Variants in GAREM1 observed in about 807,000 individuals in gnomAD.
GAREM1 encodes the protein GRB2-associated and regulator of MAPK protein 1.
GAREM1 carries 26 observed loss-of-function variants against 71.3 expected under a neutral mutation model. The observed-to-expected ratio is 0.36, with a 90% CI of 0.27 to 0.51. The LOEUF is 0.51. Among genes scored for constraint, GAREM1 ranks in the 20% least tolerant of loss-of-function variants. The pLI, the probability that GAREM1 is intolerant of heterozygous loss-of-function variation, is 0.95. For missense variants in GAREM1, 1,026 were observed against 1,103.1 expected, an observed-to-expected ratio of 0.93 and a Z score of 0.99; for synonymous variants, 440 against 433.2, an observed-to-expected ratio of 1.02 and a Z score of -0.20.
chr18:32,346,943 A>C (rs1255925255), intron 2 of GAREM1, among the ~76,000 whole-genome samples: 4 of 152,220 alleles, frequency 2.6e-5, no homozygotes, highest in African/African-American at 7.2e-5. Context: ...CTGTGTCGGC[A>C]CCAACTCAGT....
In GAREM1 at chr18:32,304,573, G is replaced by T. The variant is rs530557619; in HGVS notation, c.393+5620C>A. On this transcript the variant is annotated intron_variant, in intron 3 of 5. Coordinates refer to ENST00000269209, the MANE Select transcript of GAREM1 (RefSeq NM_001242409.2). The stretch of plus-strand genomic sequence containing the variant: ...AGATAATACATAAACACATAGACAT[G>T]GCTTTGTTCCAATAAAACTTTATTT... Among the ~76,000 whole-genome samples, 56 of 152,286 alleles carry T rather than the reference G, an allele frequency of 3.7e-4. 1 individual carries two copies. In the Middle Eastern group the frequency reaches 0.017, roughly 46 times the overall value.
chr18:32,337,466 C>T lies in GAREM1; in HGVS notation c.263-27143G>A, dbSNP rs116074519. 2.8e-3 allele frequency among the ~76,000 whole-genome samples: 425 copies of T among 152,314 alleles called. 1 individual carries two copies. Among genetic ancestry groups the T allele is most frequent in the African/African-American group, 9.9e-3 (410 of 41,566 alleles). ...GCCCACAAGCTTGAAACTGATAACT[C>T]GGTAATTCTGTGCGCTATTACCCGG... On this transcript the variant is annotated intron_variant, in intron 2 of 5. Coordinates refer to ENST00000269209, the MANE Select transcript of GAREM1 (RefSeq NM_001242409.2).
intron 2 of GAREM1, among the ~76,000 whole-genome samples, chr18:32,334,538 T>TAAG (rs1293851820): frequency 6.6e-6 from 1 of 152,196 alleles, no homozygotes; most frequent in African/African-American, 2.4e-5. Context: ...GCTCCGGCTT[T>TAAG]ATGCAGCAAA....
chr18:32,434,293 T>C (rs955763576), intron 1 of GAREM1, among the ~76,000 whole-genome samples: 10 of 152,012 alleles, frequency 6.6e-5, no homozygotes, highest in Non-Finnish European at 1.5e-5. Context: ...ATAAAATATA[T>C]AGGTTTGCGT....
chr18:32,416,371 T>G lies in GAREM1; in HGVS notation c.122-23336A>C, dbSNP rs189682856. 8.5e-5 allele frequency among the ~76,000 whole-genome samples: 13 copies of G among 152,228 alleles called. No individual in the cohort carries two copies. In the East Asian group the frequency reaches 1.4e-3, roughly 16 times the overall value. ...CTTCACAGAAACAGAAAAACAATCC[T>G]AAAATTTATATGGAACCACAAAAGA... On this transcript the variant is annotated intron_variant, in intron 1 of 5. Transcript: ENST00000269209.
At chr18:32,317,591 T>G (rs1421706721) in intron 2 of GAREM1, among the ~76,000 whole-genome samples, 1 of 152,004 alleles carries the variant, frequency 6.6e-6, no homozygotes, top group African/African-American at 2.4e-5. Context: ...AGAAGTGGAC[T>G]TATATTAAAA....
At chr18:32,412,070 A>G (rs1305271321) in intron 1 of GAREM1, 4 of 706,592 alleles carry the variant, frequency 5.7e-6, no homozygotes, top group African/African-American at 1.7e-5. Flanking sequence ...GCCCATACAC[A>G]TGAGTATTTG....
At position 32,270,710 on chromosome 18, in the gene GAREM1, G is replaced by A. The variant is rs147184981; in HGVS notation, c.1567-327C>T. Among the ~76,000 whole-genome samples the A allele has an allele frequency of 1.2e-3, 187 of 152,226 alleles. 1 individual carries two copies. The Middle Eastern group carries it at 0.014, about 11-fold the overall frequency. On this transcript the variant is annotated intron_variant, in intron 4 of 5. Coordinates refer to ENST00000269209, the MANE Select transcript of GAREM1 (RefSeq NM_001242409.2). Reference sequence around the variant, plus strand: ...GGTTAAAGAGCTAGTGACATGTGAGGATGGATAAAGAGGAAGTATTAAGAA... The same window carrying A: ...GGTTAAAGAGCTAGTGACATGTGAGAATGGATAAAGAGGAAGTATTAAGAA...
intron 2 of GAREM1, among the ~76,000 whole-genome samples, chr18:32,390,098 T>C (rs908556405): frequency 3.3e-5 from 5 of 152,266 alleles, no homozygotes; most frequent in African/African-American, 9.6e-5. Context: ...TTGAGCCCAG[T>C]AGTCCAGGGC....
intron 2 of GAREM1, among the ~76,000 whole-genome samples, chr18:32,315,690 A>G (rs923928663): frequency 3.3e-5 from 5 of 152,000 alleles, no homozygotes; most frequent in Non-Finnish European, 7.4e-5. Flanking sequence ...CAGGTCTAGA[A>G]TATCTCTGCA....
rs1341045724 is a variant in GAREM1, at chr18:32,309,088, A to G, written c.393+1105T>C. Reference sequence around the variant, plus strand: ...AATCTTGAAATGTTTGGAAAATGTGATTTAGGTGGACTTTGGGCTGAAATG... The same window carrying G: ...AATCTTGAAATGTTTGGAAAATGTGGTTTAGGTGGACTTTGGGCTGAAATG... On this transcript the variant is annotated intron_variant, in intron 3 of 5. Coordinates refer to ENST00000269209, the MANE Select transcript of GAREM1 (RefSeq NM_001242409.2). Among the ~76,000 whole-genome samples, 2 of 150,288 alleles carry G rather than the reference A, an allele frequency of 1.3e-5. 1 individual carries two copies. The highest frequency in any genetic ancestry group is 4.9e-5 in the African/African-American group (2 of 40,510).
intron 2 of GAREM1, among the ~76,000 whole-genome samples, chr18:32,375,321 A>G (rs1377166586): frequency 6.6e-6 from 1 of 152,168 alleles, no homozygotes; most frequent in African/African-American, 2.4e-5. Context: ...TGAACACCCA[A>G]AAGAGCAATT....
chr18:32,338,793 G>T (rs989112502), intron 2 of GAREM1, among the ~76,000 whole-genome samples: 1 of 152,128 alleles, frequency 6.6e-6, no homozygotes, highest in African/African-American at 2.4e-5. Flanking sequence ...GTGTCAACTT[G>T]GTTTGATCAC....
chr18:32,446,652 A>G (rs897897528), intron 1 of GAREM1, among the ~76,000 whole-genome samples: 1 of 152,216 alleles, frequency 6.6e-6, no homozygotes, highest in Non-Finnish European at 1.5e-5. Context: ...AGCAAACAAA[A>G]AACAGAAGTT....
chr18:32,284,834 C>T (rs575662137), intron 4 of GAREM1, among the ~76,000 whole-genome samples: 9 of 151,198 alleles, frequency 6.0e-5, no homozygotes, highest in African/African-American at 2.2e-4. Flanking sequence ...ACTGCAAGCT[C>T]CACCTCCTGG....
Position 32,451,115 on chromosome 18 carries a change from A to C in GAREM1, c.121+19193T>G, listed in dbSNP as rs566060658. ...CAGTGAGTCATGATGGTGCCACTGC[A>C]CTCCAGAGCTGGATGACAGAGTGAG... On this transcript the variant is annotated intron_variant, in intron 1 of 5. Coordinates refer to ENST00000269209, the MANE Select transcript of GAREM1 (RefSeq NM_001242409.2). 1.1e-4 allele frequency among the ~76,000 whole-genome samples: 16 copies of C among 152,248 alleles called. No individual in the cohort carries two copies. In the East Asian group the frequency reaches 3.1e-3, roughly 29 times the overall value.
intron 5 of GAREM1, 53 bp from the exon 6 acceptor site, chr18:32,268,821 C>T: frequency 6.7e-7 from 1 of 1,485,222 alleles, no homozygotes; most frequent in Non-Finnish European, 9.2e-7. Flanking sequence ...AGCCAAATCC[C>T]AAGGCTTTTG....
At chr18:32,468,958 C>CG (rs2049023579) in intron 1 of GAREM1, among the ~76,000 whole-genome samples, 4 of 34,300 alleles carry the variant, frequency 1.2e-4, no homozygotes, top group Admixed American at 6.2e-4. Context: ...ACCACCTGTG[C>CG]GTCCCCCCCC....
Position 32,267,964 on chromosome 18 carries a change from T to C in GAREM1, c.2538A>G (p.Leu846=). The C allele has an allele frequency of 6.2e-7, 1 of 1,613,930 alleles. No homozygotes were observed. Among genetic ancestry groups the C allele is most frequent in the Non-Finnish European group, 8.5e-7 (1 of 1,179,814 alleles). ...EKIDGNLLVQ[L]TEEILSEDFK... is the part of the protein sequence containing the mutation. ...AATCCTCTGAGAGGATTTCTTCCGT[T>C]AGCTGAACAAGCAGGTTCCCATCAA... Residue 846 remains leucine, a synonymous_variant, in exon 6 of 6, where the codon CTA becomes CTG. Transcript: ENST00000269209.
Sources: gnomAD v4.1 joint callset for allele counts (sites outside exome capture counted in the v4.1 genomes callset) on GRCh38, gnomAD v4.1.1 for gene constraint, MANE v1.5 for transcripts, NCBI Gene and HGNC (gene_info 2026-07-23, HGNC 2026-07-21) for gene names.